The following DGKB variants were observed in gnomAD, a reference collection of about 807,000 sequenced individuals.
The protein encoded by DGKB is 90 kDa diacylglycerol kinase.
A neutral mutation model predicts 114.3 loss-of-function variants in DGKB; 67 were observed. The ratio of observed to expected loss-of-function variants is 0.59; its 90% confidence interval spans 0.48 to 0.72. DGKB has a LOEUF of 0.72. Ranked by LOEUF, DGKB falls within the 30% of genes least tolerant of loss-of-function variation. The pLI is 0.00. For missense variants in DGKB, 907 were observed against 975.2 expected (o/e 0.93, Z 0.93); for synonymous variants, 398 against 323.1 (o/e 1.23, Z -2.49).
intron 21 of DGKB, among the ~76,000 whole-genome samples, chr7:14,402,339 C>T (rs1365662836): frequency 4.0e-5 from 6 of 151,828 alleles, no homozygotes; most frequent in Admixed American, 4.0e-4. Context: ...AGATGATACT[C>T]CTACCCATAT....
intron 6 of DGKB, among the ~76,000 whole-genome samples, 199 bp downstream of exon 6, chr7:14,718,343 G>C (rs1039279064): frequency 1.3e-5 from 2 of 152,074 alleles, no homozygotes; most frequent in Non-Finnish European, 2.9e-5. Flanking sequence ...AATGGAACTT[G>C]ATAAATAAGA....
At chr7:14,340,500 A>G (rs1811436405) in intron 22 of DGKB, among the ~76,000 whole-genome samples, 1 of 151,458 alleles carries the variant, frequency 6.6e-6, no homozygotes, top group African/African-American at 2.4e-5. Context: ...AACAAAAGTC[A>G]GATTACCACA....
At chr7:14,449,395 G>A (rs576637663) in intron 21 of DGKB, among the ~76,000 whole-genome samples, 1 of 152,062 alleles carries the variant, frequency 6.6e-6, no homozygotes, top group African/African-American at 2.4e-5. Context: ...AGCCTTCTGG[G>A]ATATAAATTC....
At chr7:14,174,626 T>C (rs1227024719) in intron 25 of DGKB, among the ~76,000 whole-genome samples, 2 of 152,118 alleles carry the variant, frequency 1.3e-5, no homozygotes, top group Non-Finnish European at 2.9e-5. Context: ...CAACCACTAC[T>C]GTCTTGCATC....
intron 23 of DGKB, among the ~76,000 whole-genome samples, chr7:14,319,336 A>T (rs1390667331): frequency 6.6e-6 from 1 of 152,044 alleles, no homozygotes; most frequent in Admixed American, 6.6e-5. Flanking sequence ...AGATATGAGA[A>T]TCCAGCTGTC....
At chr7:14,149,278 T>A (rs1554263571) in intron 25 of DGKB, 40 bp from the exon 26 acceptor site, 1 of 1,434,780 alleles carries the variant, frequency 7.0e-7, no homozygotes, top group South Asian at 1.2e-5. Context: ...AAGAATAGAG[T>A]AATCTCCAGA....
intron 16 of DGKB, among the ~76,000 whole-genome samples, chr7:14,611,059 C>G (rs1805461329): frequency 6.6e-6 from 1 of 152,000 alleles, no homozygotes; most frequent in Admixed American, 6.6e-5. Flanking sequence ...TGGTTGACAC[C>G]CTGCCATTTC....
At chr7:14,908,155 C>T (rs550442036), upstream of DGKB, among the ~76,000 whole-genome samples, 1 of 152,198 alleles carries the variant, frequency 6.6e-6, no homozygotes, top group South Asian at 2.1e-4. Flanking sequence ...ACTGCATGAC[C>T]TCACTTTATT....
chr7:14,668,153 G>A (rs2128938366), intron 13 of DGKB, among the ~76,000 whole-genome samples: 1 of 152,182 alleles, frequency 6.6e-6, no homozygotes, highest in Non-Finnish European at 1.5e-5. Flanking sequence ...AGGTTGGGGT[G>A]TACAGAAAGG....
chr7:14,663,385 T>A (rs887204294), intron 13 of DGKB, among the ~76,000 whole-genome samples: 1 of 152,036 alleles, frequency 6.6e-6, no homozygotes, highest in Non-Finnish European at 1.5e-5. Flanking sequence ...CTTGCCCTTT[T>A]CAACTGAATT....
At chr7:14,389,845 T>C (rs1482974779) in intron 21 of DGKB, among the ~76,000 whole-genome samples, 1 of 152,222 alleles carries the variant, frequency 6.6e-6, no homozygotes, top group Non-Finnish European at 1.5e-5. Context: ...GACTAGCCTA[T>C]AATCCTCTGA....
intron 17 of DGKB, among the ~76,000 whole-genome samples, chr7:14,592,348 C>T (rs62445561): frequency 0.019 from 2,867 of 151,900 alleles, 46 homozygotes; most frequent in Non-Finnish European, 0.027. Context: ...GCTTTCCTTA[C>T]GAAAGGTCTG....
rs554472768 is a variant in DGKB, at chr7:14,335,267, A to T, written c.2122+3248T>A. Among the ~76,000 whole-genome samples the T allele has an allele frequency of 2.6e-5, 4 of 152,176 alleles. No individual in the cohort carries two copies. In the East Asian group the frequency reaches 7.7e-4, roughly 29 times the overall value. On this transcript the variant is annotated intron_variant, in intron 23 of 25. Transcript: ENST00000402815. ...CCTTTGGACTATGATATTTCTTTAAATTAAAATAAAAGAGTAAACTTTAAA... is the reference window on the plus strand; with the variant it reads ...CCTTTGGACTATGATATTTCTTTAATTTAAAATAAAAGAGTAAACTTTAAA...
At chr7:14,448,423 C>A in intron 21 of DGKB, among the ~76,000 whole-genome samples, 1 of 151,964 alleles carries the variant, frequency 6.6e-6, no homozygotes, top group East Asian at 1.9e-4. Flanking sequence ...CAAGAAAACA[C>A]AACATGCACT....
chr7:14,366,600 T>C (rs1456201387), intron 21 of DGKB, among the ~76,000 whole-genome samples: 1 of 152,124 alleles, frequency 6.6e-6, no homozygotes, highest in Non-Finnish European at 1.5e-5. Flanking sequence ...TCTTAATACA[T>C]GACAAAAAAA....
chr7:14,780,416 T>G (rs1408688211), intron 2 of DGKB, among the ~76,000 whole-genome samples: 1 of 152,228 alleles, frequency 6.6e-6, no homozygotes, highest in Non-Finnish European at 1.5e-5. Context: ...TAGCACCATT[T>G]ACAACAATAG....
At chr7:14,751,340 C>T (rs1834095632) in intron 4 of DGKB, among the ~76,000 whole-genome samples, 3 of 151,922 alleles carry the variant, frequency 2.0e-5, no homozygotes, top group Admixed American at 6.6e-5. Context: ...ATTTAAATAC[C>T]ACTTTTCAAA....
intron 21 of DGKB, among the ~76,000 whole-genome samples, chr7:14,398,384 G>A (rs567920642): frequency 7.9e-5 from 12 of 151,986 alleles, no homozygotes; most frequent in African/African-American, 2.9e-4. Context: ...ATCTGTATAT[G>A]GTACTAAAGG....
chr7:14,932,489 A>G (rs1785072840), intron 1 of DGKB, among the ~76,000 whole-genome samples: 1 of 152,214 alleles, frequency 6.6e-6, no homozygotes, highest in Non-Finnish European at 1.5e-5. Flanking sequence ...CGTAATGAAC[A>G]TCATTAGTCA....
Sources: gnomAD v4.1 joint callset for allele counts (sites outside exome capture counted in the v4.1 genomes callset) on GRCh38, gnomAD v4.1.1 for gene constraint, MANE v1.5 for transcripts, NCBI Gene and HGNC (gene_info 2026-07-23, HGNC 2026-07-21) for gene names.